PCDH11Y: variants seen among roughly 807,000 people sequenced by gnomAD.
The protein encoded by PCDH11Y is protocadherin-11 Y-linked.
For synonymous variants in PCDH11Y, 9 were observed against 83.6 expected (o/e 0.11, Z 4.87); for missense variants, 12 against 224.8 (o/e 0.05, Z 6.05).
intron 3 of PCDH11Y, among the ~76,000 whole-genome samples, chrY:5,536,379 T>C: frequency 3.0e-5 from 1 of 33,695 alleles, no homozygotes. Flanking sequence ...TTCATGTACT[T>C]AGCCCACTTT....
chrY:5,045,322 C>A (rs2124625387), intron 3 of PCDH11Y, among the ~76,000 whole-genome samples: 1 of 32,673 alleles, frequency 3.1e-5, no homozygotes, highest in African/African-American at 1.2e-4. Context: ...GACAAAATCT[C>A]TCAGCATTTG....
At chrY:5,235,681 G>C (rs2124654335) in intron 2 of PCDH11Y, among the ~76,000 whole-genome samples, 1 of 33,253 alleles carries the variant, frequency 3.0e-5, no homozygotes, top group South Asian at 6.8e-4. Flanking sequence ...GGGTATCTAG[G>C]TTGATTCCAT....
chrY:5,614,930 A>C (rs2053491550), intron 4 of PCDH11Y, among the ~76,000 whole-genome samples: 24 of 31,437 alleles, frequency 7.6e-4, no homozygotes, highest in African/African-American at 3.2e-3. Flanking sequence ...GAGGCCTCAG[A>C]ATCATGGTGG....
chrY:5,396,141 T>C (rs773067636), intron 2 of PCDH11Y, among the ~76,000 whole-genome samples: 7 of 15,744 alleles, frequency 4.4e-4, no homozygotes, highest in Middle Eastern at 0.034. Flanking sequence ...TTAGCAGAGA[T>C]GGGATTTCGT....
chrY:5,169,913 A>G (rs2052884792), intron 2 of PCDH11Y, among the ~76,000 whole-genome samples: 1 of 32,324 alleles, frequency 3.1e-5, no homozygotes, highest in East Asian at 8.1e-4. Flanking sequence ...GATCTTATTC[A>G]TAACACAGTT....
At chrY:5,062,077 A>ATCT (rs2052676589) in intron 1 of PCDH11Y, among the ~76,000 whole-genome samples, 12 of 32,920 alleles carry the variant, frequency 3.6e-4, no homozygotes, top group Non-Finnish European at 7.5e-5. Flanking sequence ...AAAATTGCCA[A>ATCT]GAATGAGACA....
chrY:5,191,945 C>T (rs1602883501), intron 2 of PCDH11Y, among the ~76,000 whole-genome samples: 24 of 31,832 alleles, frequency 7.5e-4, no homozygotes, highest in African/African-American at 2.7e-3. Flanking sequence ...GGACCGGTAC[C>T]TATCCATGGC....
chrY:5,440,774 G>T (rs1414045513), intron 2 of PCDH11Y, among the ~76,000 whole-genome samples: 7 of 28,734 alleles, frequency 2.4e-4, no homozygotes, highest in Non-Finnish European at 3.5e-4. Context: ...GAGAGAGAGA[G>T]AGAGAGAGAG....
At chrY:5,494,425 T>G in intron 2 of PCDH11Y, among the ~76,000 whole-genome samples, 1 of 32,691 alleles carries the variant, frequency 3.1e-5, no homozygotes, top group Non-Finnish European at 7.4e-5. Flanking sequence ...ATTTCCATTC[T>G]GATTGAGCTG....
intron 2 of PCDH11Y, among the ~76,000 whole-genome samples, chrY:5,145,872 G>C (rs2124642974): frequency 3.0e-5 from 1 of 33,287 alleles, no homozygotes; most frequent in South Asian, 6.7e-4. Context: ...TGTCTAGCTC[G>C]AGTCCATACT....
At chrY:5,307,978 A>G in intron 2 of PCDH11Y, among the ~76,000 whole-genome samples, 1 of 33,305 alleles carries the variant, frequency 3.0e-5, no homozygotes, top group East Asian at 7.9e-4. Context: ...CTTAAAAACA[A>G]TACAACATAA....
At chrY:5,062,759 A>G (rs2052678023) in intron 1 of PCDH11Y, among the ~76,000 whole-genome samples, 2 of 33,320 alleles carry the variant, frequency 6.0e-5, no homozygotes, top group East Asian at 1.6e-3. Context: ...CATAAGTTGG[A>G]CATCGTAAAT....
intron 4 of PCDH11Y, among the ~76,000 whole-genome samples, chrY:5,625,762 A>G: frequency 1.3e-4 from 4 of 30,001 alleles, no homozygotes; most frequent in Non-Finnish European, 3.2e-4. Context: ...GCACCACAGG[A>G]ATAAAGCCTA....
At chrY:5,032,961 C>A in intron 3 of PCDH11Y, among the ~76,000 whole-genome samples, 1 of 31,730 alleles carries the variant, frequency 3.2e-5, no homozygotes, top group Non-Finnish European at 7.7e-5. Flanking sequence ...AACAAAAATC[C>A]CACAAATTAT....
At chrY:5,687,788 T>C in intron 4 of PCDH11Y, among the ~76,000 whole-genome samples, 1 of 32,462 alleles carries the variant, frequency 3.1e-5, no homozygotes, top group Admixed American at 2.8e-4. Context: ...CCTTTTTGAG[T>C]AATATATTGA....
chrY:5,051,850 T>G, upstream of PCDH11Y, among the ~76,000 whole-genome samples: 1 of 33,279 alleles, frequency 3.0e-5, no homozygotes, highest in Non-Finnish European at 7.4e-5. Flanking sequence ...TTTTGACATC[T>G]CAAGTTTCAG....
In PCDH11Y at chrY:5,436,054, G is replaced by T; in HGVS notation, c.3130-65003G>T. 1.5e-4 allele frequency among the ~76,000 whole-genome samples: 5 copies of T among 33,705 alleles called. No individual in the cohort carries two copies. The South Asian group carries it at 3.2e-3, about 21-fold the overall frequency. 90.4% of individuals were successfully genotyped at this position (33,705 alleles called of 37,273 possible). A position where few individuals can be genotyped will look rare whatever the true frequency, so the allele number is the denominator to read the frequency against. On this transcript the variant is annotated intron_variant, in intron 2 of 4. Transcript: ENST00000400457. Reference sequence around the variant, plus strand: ...GTTTCGATTTTTGACTATATTACATGCAGCTTTCACATAAGTGCACGTAGA... The same window carrying T: ...GTTTCGATTTTTGACTATATTACATTCAGCTTTCACATAAGTGCACGTAGA...
intron 1 of PCDH11Y, among the ~76,000 whole-genome samples, chrY:5,068,437 C>G: frequency 3.1e-5 from 1 of 31,875 alleles, no homozygotes; most frequent in African/African-American, 1.2e-4. Flanking sequence ...ATTGCTTTCT[C>G]AAATGATTTT....
At chrY:5,315,036 T>C in intron 2 of PCDH11Y, among the ~76,000 whole-genome samples, 1 of 33,030 alleles carries the variant, frequency 3.0e-5, no homozygotes, top group Non-Finnish European at 7.4e-5. Context: ...TTAGAAACTC[T>C]TAGGAAAATG....
Sources: gnomAD v4.1 joint callset for allele counts (sites outside exome capture counted in the v4.1 genomes callset) on GRCh38, gnomAD v4.1.1 for gene constraint, MANE v1.5 for transcripts, NCBI Gene and HGNC (gene_info 2026-07-23, HGNC 2026-07-21) for gene names.